Variants in MROH2B observed in about 807,000 individuals in gnomAD.
MROH2B encodes maestro heat like repeat family member 2B.
A neutral mutation model predicts 208.6 loss-of-function variants in MROH2B; 177 were observed. The observed-to-expected ratio is 0.85, with a 90% CI of 0.75 to 0.96. The LOEUF is 0.96. Among genes scored for constraint, MROH2B ranks in the 40% least tolerant of loss-of-function variants. The pLI is 0.00. For synonymous variants in MROH2B, 728 were observed against 659.0 expected, an observed-to-expected ratio of 1.10 and a Z score of -1.60; for missense variants, 2,002 against 1,878.7, an observed-to-expected ratio of 1.07 and a Z score of -1.21.
intron 32 of MROH2B, 66 bp from the exon 33 acceptor site, chr5:41,008,859 C>T (rs1561276594): frequency 8.8e-6 from 13 of 1,471,820 alleles, no homozygotes; most frequent in Non-Finnish European, 1.1e-5. Context: ...TCTCTCTGGG[C>T]TGATTTTCAA....
intron 24 of MROH2B, among the ~76,000 whole-genome samples, chr5:41,027,226 G>T (rs543652029): frequency 6.6e-6 from 1 of 152,146 alleles, no homozygotes; most frequent in African/African-American, 2.4e-5. Flanking sequence ...CACAGCAAAA[G>T]AAACTACCAT....
chr5:41,057,000 T>G, intron 9 of MROH2B, 109 bp downstream of exon 9: 1 of 1,071,034 alleles, frequency 9.3e-7, no homozygotes, highest in Non-Finnish European at 1.4e-6. Flanking sequence ...AGTGTGTGTG[T>G]TTGTGTGTGT....
At chr5:41,068,607 C>G (rs1338719013) in intron 2 of MROH2B, among the ~76,000 whole-genome samples, 1 of 152,150 alleles carries the variant, frequency 6.6e-6, no homozygotes, top group Non-Finnish European at 1.5e-5. Context: ...TATTATTATT[C>G]TTTAACTAGA....
intron 10 of MROH2B, 79 bp from the exon 11 acceptor site, chr5:41,054,919 G>T: frequency 1.0e-6 from 1 of 957,774 alleles, no homozygotes; most frequent in Non-Finnish European, 1.5e-6. Flanking sequence ...AAAGCTATTA[G>T]AATTATGGCA....
At chr5:41,009,511 C>G in intron 31 of MROH2B, 105 bp from the exon 32 acceptor site, 1 of 1,406,308 alleles carries the variant, frequency 7.1e-7, no homozygotes, top group African/African-American at 1.4e-5. Context: ...ATGACAATTT[C>G]AAGGGCAGAT....
chr5:41,038,801 G>T lies in MROH2B; in HGVS notation c.2149C>A (p.Leu717Ile). The change falls in exon 21 of 42, where the codon CTT becomes ATT. Residue 717 changes from leucine to isoleucine, a missense_variant. Physicochemically the swap from Leu to Ile is conservative, Grantham distance 5. Transcript: ENST00000399564. ...ATATCTTGATTAAGTCTGGAGAGAA[G>T]TTGCTTCTTGGGAGCATGGAGGGCC... Reference protein sequence around the residue: ...AVALHAPKKQLLSRLNQDIIS... With the variant: ...AVALHAPKKQILSRLNQDIIS... The T allele has an allele frequency of 1.9e-6, 3 of 1,613,696 alleles. No homozygotes were observed. In the South Asian group the frequency reaches 3.3e-5, roughly 18 times the overall value.
At chr5:41,069,010 A>G (rs978217404) in intron 2 of MROH2B, among the ~76,000 whole-genome samples, 1 of 151,838 alleles carries the variant, frequency 6.6e-6, no homozygotes, top group African/African-American at 2.4e-5. Flanking sequence ...ACAACACTGA[A>G]TAATGATTAG....
chr5:41,066,018 G>A (rs917332005), intron 3 of MROH2B, among the ~76,000 whole-genome samples: 1 of 152,130 alleles, frequency 6.6e-6, no homozygotes, highest in African/African-American at 2.4e-5. Context: ...TAGAGTTCTA[G>A]TAAACTTCGA....
intron 6 of MROH2B, among the ~76,000 whole-genome samples, chr5:41,060,845 T>G (rs541463285): frequency 2.6e-5 from 4 of 152,338 alleles, no homozygotes; most frequent in African/African-American, 9.6e-5. Flanking sequence ...TACCTCAGGA[T>G]GTTAAAAAAT....
chr5:41,033,989 A>G, intron 21 of MROH2B, 125 bp from the exon 22 acceptor site: 1 of 1,113,110 alleles, frequency 9.0e-7, no homozygotes, highest in Non-Finnish European at 1.2e-6. Context: ...GAGCCTTGCC[A>G]AGGGGGGTCT....
intron 24 of MROH2B, among the ~76,000 whole-genome samples, chr5:41,019,849 T>C (rs1445421833): frequency 1.3e-5 from 2 of 152,234 alleles, no homozygotes; most frequent in Non-Finnish European, 2.9e-5. Flanking sequence ...CAAAGTATAA[T>C]TTATGTATAG....
intron 18 of MROH2B, 45 bp from the exon 19 acceptor site, chr5:41,042,253 CAAG>C: frequency 8.4e-7 from 1 of 1,192,436 alleles, no homozygotes; most frequent in Non-Finnish European, 1.2e-6. Flanking sequence ...GGTTGGAAAG[CAAG>C]ACTCTGATGA....
intron 6 of MROH2B, among the ~76,000 whole-genome samples, chr5:41,061,338 C>T (rs934099709): frequency 1.3e-5 from 2 of 152,120 alleles, no homozygotes; most frequent in Admixed American, 1.3e-4. Flanking sequence ...GCTACAACCT[C>T]GGCATCTGGA....
At chr5:41,022,680 C>A (rs1427688279) in intron 24 of MROH2B, among the ~76,000 whole-genome samples, 1 of 152,206 alleles carries the variant, frequency 6.6e-6, no homozygotes, top group African/African-American at 2.4e-5. Flanking sequence ...ATGTCTCTGT[C>A]TGACAGCTTT....
intron 2 of MROH2B, 72 bp from the exon 3 acceptor site, chr5:41,067,290 A>G: frequency 1.3e-6 from 1 of 770,070 alleles, no homozygotes; most frequent in South Asian, 1.5e-5. Flanking sequence ...ATCCTAATGA[A>G]TAACACCATT....
At chr5:41,059,342 C>A (rs149100204) in intron 6 of MROH2B, among the ~76,000 whole-genome samples, 1 of 152,146 alleles carries the variant, frequency 6.6e-6, no homozygotes, top group Non-Finnish European at 1.5e-5. Flanking sequence ...ACATAATACA[C>A]ATAGGACCCA....
rs10689623 is a variant in MROH2B, at chr5:41,016,498, GTTTTTTTTT to G, written c.2885-1029_2885-1021del. Among the ~76,000 whole-genome samples, 371 of 80,806 alleles carry G rather than the reference GTTTTTTTTT, an allele frequency of 4.6e-3. 2 individuals carry two copies. The highest frequency in any genetic ancestry group is 0.018 in the South Asian group (33 of 1,872). 53.0% of individuals were successfully genotyped at this position (80,806 alleles called of 152,430 possible). A position where few individuals can be genotyped will look rare whatever the true frequency, so the allele number is the denominator to read the frequency against. On this transcript the variant is annotated intron_variant, in intron 28 of 41. Coordinates refer to ENST00000399564, the MANE Select transcript of MROH2B (RefSeq NM_173489.5). ...GGCATATTTCTGTTACTACTGTAAT[GTTTTTTTTT>G]TTTTTTTTTTTTTTTGAGACAGTCT...
At chr5:41,019,980 G>C (rs913228828) in intron 24 of MROH2B, among the ~76,000 whole-genome samples, 43 of 151,944 alleles carry the variant, frequency 2.8e-4, no homozygotes, top group Admixed American at 2.4e-3. Context: ...CTCCTTTGCA[G>C]GTTATCTTTT....
At chr5:41,025,534 C>G (rs1048809190) in intron 24 of MROH2B, among the ~76,000 whole-genome samples, 3 of 152,044 alleles carry the variant, frequency 2.0e-5, no homozygotes, top group African/African-American at 7.2e-5. Flanking sequence ...GAAATTGAAG[C>G]AATAATTAAT....
Sources: allele counts gnomAD v4.1 joint callset (sites outside exome capture counted in the v4.1 genomes callset), GRCh38; gene constraint gnomAD v4.1.1; transcripts MANE v1.5; gene names NCBI Gene and HGNC (gene_info 2026-07-23, HGNC 2026-07-21).